SNX29: variants seen among roughly 807,000 people sequenced by gnomAD.
SNX29 encodes sorting nexin 29, also known as sorting nexin-29.
A neutral mutation model predicts 102.1 loss-of-function variants in SNX29; 78 were observed. That is an observed-to-expected ratio of 0.76 (90% CI 0.64 to 0.92). The LOEUF (loss-of-function observed/expected upper bound fraction) is 0.92, where lower values mean the gene tolerates loss of function less well. Ranked by LOEUF, SNX29 falls within the 40% of genes least tolerant of loss-of-function variation. SNX29 has a pLI of 0.00. For missense variants in SNX29, 1,280 were observed against 1,061.7 expected (o/e 1.21, Z -2.86); for synonymous variants, 580 against 414.5 (o/e 1.40, Z -4.85).
chr16:12,400,255 C>T (rs369602460), intron 17 of SNX29, among the ~76,000 whole-genome samples: 4 of 152,230 alleles, frequency 2.6e-5, no homozygotes, highest in African/African-American at 7.2e-5. Context: ...TTTCCCACTC[C>T]TCTCCCTGCA....
intron 18 of SNX29, chr16:12,443,169 C>T: frequency 5.3e-6 from 2 of 380,284 alleles, no homozygotes; most frequent in Non-Finnish European, 1.0e-5. Flanking sequence ...CTTTCTCTGT[C>T]ATGCTCCTTC....
chr16:12,133,858 C>T (rs1254490570), intron 13 of SNX29, among the ~76,000 whole-genome samples: 1 of 152,174 alleles, frequency 6.6e-6, no homozygotes, highest in Non-Finnish European at 1.5e-5. Context: ...TAAGTATGCG[C>T]TTGTGTATAT....
At chr16:12,362,156 C>T (rs529375175) in intron 16 of SNX29, among the ~76,000 whole-genome samples, 1 of 152,352 alleles carries the variant, frequency 6.6e-6, no homozygotes, top group African/African-American at 2.4e-5. Context: ...TTCCCTTGAA[C>T]TGACAAAACC....
At chr16:12,427,714 T>C (rs895822489) in intron 18 of SNX29, among the ~76,000 whole-genome samples, 7 of 152,110 alleles carry the variant, frequency 4.6e-5, no homozygotes, top group Non-Finnish European at 1.0e-4. Flanking sequence ...GGGAAGAGGG[T>C]GCAGAGCGCC....
At chr16:12,514,886 A>AAG (rs904701320) in intron 19 of SNX29, among the ~76,000 whole-genome samples, 109 of 149,976 alleles carry the variant, frequency 7.3e-4, no homozygotes, top group African/African-American at 2.5e-3. Flanking sequence ...GAAAGAAAGA[A>AAG]AGAGAGAGAG....
At chr16:12,497,854 C>G (rs2088908485) in intron 19 of SNX29, among the ~76,000 whole-genome samples, 1 of 152,174 alleles carries the variant, frequency 6.6e-6, no homozygotes, top group South Asian at 2.1e-4. Flanking sequence ...GCTTGAGTCT[C>G]CTGCCTGTCC....
rs540132306 is a variant in SNX29, at chr16:12,304,370, T to A, written c.1782+26334T>A. ...TCACTGCAGCCTCTGCCTCCCAGGT[T>A]CAAGCGATTCTCCTGCCTTAGCCTC... On this transcript the variant is annotated intron_variant, in intron 15 of 20. Coordinates refer to ENST00000566228, the MANE Select transcript of SNX29 (RefSeq NM_032167.5). Among the ~76,000 whole-genome samples, 44 of 152,328 alleles carry A rather than the reference T, an allele frequency of 2.9e-4. 1 individual carries two copies. In the Middle Eastern group the frequency reaches 0.01, roughly 35 times the overall value.
intron 15 of SNX29, among the ~76,000 whole-genome samples, chr16:12,287,603 C>G (rs1322193345): frequency 1.3e-5 from 2 of 152,192 alleles, no homozygotes; most frequent in African/African-American, 4.8e-5. Flanking sequence ...ACTACAAGGA[C>G]TGTCTTTTTA....
chr16:12,147,394 AC>A (rs1386521110), intron 13 of SNX29, among the ~76,000 whole-genome samples: 3 of 152,258 alleles, frequency 2.0e-5, no homozygotes, highest in Non-Finnish European at 4.4e-5. Context: ...TGAAAAGGTT[AC>A]GGTAATTATT....
At chr16:12,125,694 A>G (rs2054186092) in intron 11 of SNX29, among the ~76,000 whole-genome samples, 2 of 135,302 alleles carry the variant, frequency 1.5e-5, no homozygotes, top group South Asian at 2.4e-4. Context: ...CTGGGCTCAA[A>G]TGAACTCCTA....
At chr16:12,531,816 C>T (rs1053286524) in intron 20 of SNX29, among the ~76,000 whole-genome samples, 4 of 152,312 alleles carry the variant, frequency 2.6e-5, no homozygotes, top group Admixed American at 6.5e-5. Flanking sequence ...GCAGAGTGAA[C>T]GTCTTCTAGG....
intron 6 of SNX29, 99 bp from the exon 7 acceptor site, chr16:12,048,273 C>T (rs56363861): frequency 0.43 from 661,314 of 1,541,668 alleles, 147,820 homozygotes; most frequent in Non-Finnish European, 0.47. Context: ...GATCAACGTG[C>T]CTCCTCTTCT....
chr16:12,058,495 G>GTTTTTTTTTTTTTTTT (rs1249420541), intron 8 of SNX29, among the ~76,000 whole-genome samples: 31 of 106,534 alleles, frequency 2.9e-4, no homozygotes, highest in Admixed American at 5.3e-4. Context: ...TTGGTTTTTG[G>GTTTTTTTTTTTTTTTT]TTTTTTTTTT....
chr16:12,294,766 G>T (rs1596794986), intron 15 of SNX29, among the ~76,000 whole-genome samples: 1 of 152,192 alleles, frequency 6.6e-6, no homozygotes, highest in Non-Finnish European at 1.5e-5. Context: ...GAGCTGCCCT[G>T]GACCTCTCTG....
chr16:12,232,389 T>G (rs1167800833), intron 14 of SNX29, among the ~76,000 whole-genome samples: 1 of 152,150 alleles, frequency 6.6e-6, no homozygotes, highest in Non-Finnish European at 1.5e-5. Context: ...TAGCTGGACA[T>G]AGTGGCGTGC....
intron 9 of SNX29, among the ~76,000 whole-genome samples, chr16:12,068,497 C>CA (rs150995842): frequency 0.042 from 3,696 of 87,350 alleles, 289 homozygotes; most frequent in African/African-American, 0.15. Flanking sequence ...GACCCTGTCT[C>CA]AAAAAAAAAA....
intron 13 of SNX29, among the ~76,000 whole-genome samples, chr16:12,134,644 T>C (rs1358212467): frequency 6.6e-6 from 1 of 152,186 alleles, no homozygotes; most frequent in Non-Finnish European, 1.5e-5. Flanking sequence ...AGGTGACACA[T>C]GATTGCTTCT....
intron 16 of SNX29, among the ~76,000 whole-genome samples, chr16:12,359,226 G>C (rs1215643761): frequency 6.6e-6 from 1 of 152,202 alleles, no homozygotes; most frequent in African/African-American, 2.4e-5. Context: ...AGAACTGATT[G>C]TTTGGTGGTA....
chr16:12,544,329 G>A (rs2077485437), intron 20 of SNX29, among the ~76,000 whole-genome samples: 1 of 152,046 alleles, frequency 6.6e-6, no homozygotes, highest in Non-Finnish European at 1.5e-5. Flanking sequence ...AAGTCATGAG[G>A]CAGGAAAAGT....
Sources: gnomAD v4.1 joint callset for allele counts (sites outside exome capture counted in the v4.1 genomes callset) on GRCh38, gnomAD v4.1.1 for gene constraint, MANE v1.5 for transcripts, NCBI Gene and HGNC (gene_info 2026-07-23, HGNC 2026-07-21) for gene names.